The following SLC71A2 variants were observed in gnomAD, a reference collection of about 807,000 sequenced individuals.
SLC71A2 encodes hippocampus abundant transcript-like 1.
chr9:94,446,864 C>T, the SLC71A2 span: 2 of 1,612,490 alleles, frequency 1.2e-6, no homozygotes, highest in Non-Finnish European at 1.7e-6. Flanking sequence ...TCTTACTAAT[C>T]TGCATCACCG....
chr9:94,418,293 G>A, the SLC71A2 span, among the ~76,000 whole-genome samples: 1 of 152,134 alleles, frequency 6.6e-6, no homozygotes, highest in Non-Finnish European at 1.5e-5. Flanking sequence ...CAAGGTTACT[G>A]TTTCTTTCTT....
At chr9:94,431,392 A>G in the SLC71A2 span, among the ~76,000 whole-genome samples, 1 of 151,930 alleles carries the variant, frequency 6.6e-6, no homozygotes, top group Non-Finnish European at 1.5e-5. Context: ...CTCTTAAAAA[A>G]CATTCATATA....
At chr9:94,451,523 C>T in the SLC71A2 span, 3 of 1,535,414 alleles carry the variant, frequency 2.0e-6, no homozygotes, top group Admixed American at 5.6e-5. Flanking sequence ...TCTATTGTGG[C>T]TCAGGTGAGT....
the SLC71A2 span, among the ~76,000 whole-genome samples, chr9:94,387,384 T>A: frequency 6.6e-6 from 1 of 152,148 alleles, no homozygotes; most frequent in African/African-American, 2.4e-5. Flanking sequence ...TCCCGCCTTT[T>A]AAATTTAATC....
chr9:94,422,943 T>C, the SLC71A2 span, among the ~76,000 whole-genome samples: 24,671 of 150,736 alleles, frequency 0.16, 2,366 homozygotes, highest in African/African-American at 0.25. Flanking sequence ...TCCTTTTTTT[T>C]TTTTTTTCTA....
chr9:94,434,403 G>A, the SLC71A2 span, among the ~76,000 whole-genome samples: 4 of 152,236 alleles, frequency 2.6e-5, no homozygotes, highest in South Asian at 4.2e-4. Context: ...GCAACTCCCC[G>A]CTGTCCGGGT....
At chr9:94,423,815 A>G in the SLC71A2 span, among the ~76,000 whole-genome samples, 1 of 152,200 alleles carries the variant, frequency 6.6e-6, no homozygotes, top group African/African-American at 2.4e-5. Flanking sequence ...GAATTCTTCA[A>G]TGTCAGGGCC....
chr9:94,428,959 A>G, the SLC71A2 span, among the ~76,000 whole-genome samples: 2,836 of 151,640 alleles, frequency 0.019, 73 homozygotes, highest in African/African-American at 0.065. Flanking sequence ...GTTTCACTTA[A>G]CTATGTGCAT....
chr9:94,427,596 T>G, the SLC71A2 span, among the ~76,000 whole-genome samples: 1 of 114,512 alleles, frequency 8.7e-6, no homozygotes, highest in Non-Finnish European at 1.7e-5. Flanking sequence ...AGGGTGAGGT[T>G]TGAGGTGGGG....
the SLC71A2 span, among the ~76,000 whole-genome samples, chr9:94,413,379 G>A: frequency 6.6e-6 from 1 of 152,052 alleles, no homozygotes; most frequent in Non-Finnish European, 1.5e-5. Flanking sequence ...AGGATATACA[G>A]GAACTCTTGG....
chr9:94,423,016 A>G, the SLC71A2 span, among the ~76,000 whole-genome samples: 3 of 148,116 alleles, frequency 2.0e-5, no homozygotes, highest in Admixed American at 2.0e-4. Flanking sequence ...GGTTCACTGC[A>G]ATGTCTGCCT....
the SLC71A2 span, among the ~76,000 whole-genome samples, chr9:94,428,637 G>T: frequency 7.0e-6 from 1 of 142,944 alleles, no homozygotes. Flanking sequence ...TTTCTAAAGG[G>T]GTACATTTGT....
chr9:94,411,060 A>T, the SLC71A2 span, among the ~76,000 whole-genome samples: 1 of 152,078 alleles, frequency 6.6e-6, no homozygotes, highest in Non-Finnish European at 1.5e-5. Flanking sequence ...AAATTAAAAA[A>T]TTATTATGCA....
At chr9:94,442,400 C>T in the SLC71A2 span, among the ~76,000 whole-genome samples, 1 of 152,182 alleles carries the variant, frequency 6.6e-6, no homozygotes, top group Non-Finnish European at 1.5e-5. Flanking sequence ...CCTTCCCTCT[C>T]TCTCTCTCCT....
chr9:94,427,852 A>C, the SLC71A2 span, among the ~76,000 whole-genome samples: 15 of 139,562 alleles, frequency 1.1e-4, no homozygotes, highest in African/African-American at 4.0e-4. Context: ...GGCCGGGAGC[A>C]GTGGCTCACG....
the SLC71A2 span, chr9:94,456,284 C>T: frequency 1.9e-6 from 3 of 1,613,998 alleles, no homozygotes; most frequent in South Asian, 2.2e-5. Context: ...TCCAGCATCA[C>T]GTTTCCGGCA....
the SLC71A2 span, among the ~76,000 whole-genome samples, chr9:94,416,520 T>G: frequency 6.6e-6 from 1 of 152,198 alleles, no homozygotes; most frequent in African/African-American, 2.4e-5. Flanking sequence ...AAGACTTTGC[T>G]GTGAACCTTT....
At chr9:94,414,948 A>G in the SLC71A2 span, among the ~76,000 whole-genome samples, 271 of 152,172 alleles carry the variant, frequency 1.8e-3, 1 homozygote, top group African/African-American at 5.8e-3. Context: ...TTGAGCCACC[A>G]CACCCAACCG....
chr9:94,422,073 G>A, the SLC71A2 span, among the ~76,000 whole-genome samples: 1 of 152,234 alleles, frequency 6.6e-6, no homozygotes, highest in South Asian at 2.1e-4. Context: ...TAGTAGAGAT[G>A]GGGTTTCGCC....
Sources: gnomAD v4.1 joint callset for allele counts (sites outside exome capture counted in the v4.1 genomes callset) on GRCh38, gnomAD v4.1.1 for gene constraint, MANE v1.5 for transcripts, NCBI Gene and HGNC (gene_info 2026-07-23, HGNC 2026-07-21) for gene names.